Variants in ACBD6 observed in about 807,000 individuals in gnomAD.
The protein encoded by ACBD6 is acyl-CoA binding domain containing 6, also known as acyl-CoA-binding domain-containing protein 6.
Under a neutral mutation model 37.2 loss-of-function variants are expected in ACBD6, and 28 were observed. That is an observed-to-expected ratio of 0.75 (90% confidence interval 0.56 to 1.03). ACBD6 has a LOEUF of 1.03. ACBD6 is among the 50% of genes least tolerant of loss of function. ACBD6 has a pLI of 0.00. For missense variants in ACBD6, 340 were observed against 337.4 expected (o/e 1.01, Z -0.06); for synonymous variants, 113 against 126.8 (o/e 0.89, Z 0.73).
chr1:180,393,982 T>C (rs762090734), intron 6 of ACBD6, among the ~76,000 whole-genome samples: 5 of 152,164 alleles, frequency 3.3e-5, no homozygotes, highest in Non-Finnish European at 7.3e-5. Context: ...TCTCACACTA[T>C]CCAAACAAAT....
chr1:180,447,551 T>C (rs1315557216), intron 3 of ACBD6, among the ~76,000 whole-genome samples: 2 of 152,198 alleles, frequency 1.3e-5, no homozygotes, highest in Non-Finnish European at 2.9e-5. Flanking sequence ...AAGTCATTTG[T>C]ATTTGTTAGT....
At chr1:180,318,596 T>G (rs1402323118) in intron 6 of ACBD6, among the ~76,000 whole-genome samples, 1 of 152,220 alleles carries the variant, frequency 6.6e-6, no homozygotes, top group African/African-American at 2.4e-5. Flanking sequence ...TTAAGATCAC[T>G]TAGTTGACTT....
rs867945553 is a variant in ACBD6 at position 180,440,269 on chromosome 1, C to T, written c.385-10007G>A. On this transcript the variant is annotated intron_variant, in intron 3 of 7. Transcript: ENST00000367595. Reference sequence around the variant, plus strand: ...GATTACAGATGCCCACCATGACACCCGACTAATTTTTGCATTTTTAGTAGA... The same window carrying T: ...GATTACAGATGCCCACCATGACACCTGACTAATTTTTGCATTTTTAGTAGA... Among the ~76,000 whole-genome samples, 13 of 151,942 alleles carry T rather than the reference C, an allele frequency of 8.6e-5. No individual in the cohort carries two copies. In the South Asian group the frequency reaches 2.3e-3, roughly 27 times the overall value.
At chr1:180,378,319 A>G (rs985775753) in intron 6 of ACBD6, among the ~76,000 whole-genome samples, 16 of 152,334 alleles carry the variant, frequency 1.1e-4, no homozygotes, top group African/African-American at 3.8e-4. Flanking sequence ...TAATTAAAGT[A>G]TAAGGAACGA....
intron 5 of ACBD6, among the ~76,000 whole-genome samples, chr1:180,410,253 A>G (rs1418840832): frequency 6.6e-6 from 1 of 152,276 alleles, no homozygotes; most frequent in East Asian, 1.9e-4. Flanking sequence ...TGAAGCACCA[A>G]GTGCTGATGC....
intron 6 of ACBD6, among the ~76,000 whole-genome samples, chr1:180,338,526 T>G (rs1296093322): frequency 1.3e-5 from 2 of 152,148 alleles, no homozygotes; most frequent in East Asian, 3.8e-4. Flanking sequence ...CAAAAATTAA[T>G]TCAAGATGGA....
intron 6 of ACBD6, among the ~76,000 whole-genome samples, chr1:180,315,984 G>A (rs1650783503): frequency 6.6e-6 from 1 of 152,024 alleles, no homozygotes; most frequent in Admixed American, 6.6e-5. Context: ...AGTAAAAGAT[G>A]GAAAGCAGCA....
intron 3 of ACBD6, among the ~76,000 whole-genome samples, chr1:180,482,656 G>A (rs371811193): frequency 1.3e-5 from 2 of 152,068 alleles, no homozygotes; most frequent in South Asian, 2.1e-4. Flanking sequence ...TACTAGATGC[G>A]AGTAGAAACG....
chr1:180,471,554 T>TG (rs1024783439), intron 3 of ACBD6, among the ~76,000 whole-genome samples: 2 of 151,966 alleles, frequency 1.3e-5, no homozygotes. Flanking sequence ...AAAATCATGG[T>TG]GGGGGGCAAA....
At chr1:180,404,339 T>TA (rs367985569) in intron 5 of ACBD6, among the ~76,000 whole-genome samples, 8 of 152,270 alleles carry the variant, frequency 5.3e-5, no homozygotes, top group Admixed American at 1.3e-4. Context: ...ATTCATTTTT[T>TA]ATCACGAGAC....
chr1:180,290,466 T>C (rs1649659828), intron 7 of ACBD6, among the ~76,000 whole-genome samples: 1 of 152,208 alleles, frequency 6.6e-6, no homozygotes, highest in Non-Finnish European at 1.5e-5. Context: ...CATACACCAC[T>C]GCACCCGGCC....
At chr1:180,373,824 T>C (rs1653343944) in intron 6 of ACBD6, among the ~76,000 whole-genome samples, 1 of 152,150 alleles carries the variant, frequency 6.6e-6, no homozygotes, top group South Asian at 2.1e-4. Context: ...ATTATAAAAT[T>C]TTTAGAAAGT....
At chr1:180,292,017 C>T (rs6695250) in intron 7 of ACBD6, among the ~76,000 whole-genome samples, 1,737 of 152,290 alleles carry the variant, frequency 0.011, 40 homozygotes, top group African/African-American at 0.039. Context: ...TCTAGGTTAT[C>T]TATCATGTTC....
intron 3 of ACBD6, among the ~76,000 whole-genome samples, chr1:180,446,244 C>T (rs952035204): frequency 2.6e-5 from 4 of 151,350 alleles, no homozygotes; most frequent in Non-Finnish European, 4.4e-5. Context: ...AACTCCTGGG[C>T]TCAAGCGATC....
intron 3 of ACBD6, among the ~76,000 whole-genome samples, chr1:180,491,835 A>T (rs2102089555): frequency 6.6e-6 from 1 of 152,298 alleles, no homozygotes; most frequent in South Asian, 2.1e-4. Context: ...TCTGAGATGG[A>T]GTCTCACACT....
rs1652663690 is a variant in ACBD6 at position 180,357,222 on chromosome 1, TA to T, written c.663+40293del. On this transcript the variant is annotated intron_variant, in intron 6 of 7. Transcript: ENST00000367595. ...CTTATTTGAAACTAACATCCTGAAATAAGTAAGGTAGGTAATAGTAGCTATA... is the reference window on the plus strand; with the variant it reads ...CTTATTTGAAACTAACATCCTGAAATAGTAAGGTAGGTAATAGTAGCTATA... Among the ~76,000 whole-genome samples the T allele has an allele frequency of 2.0e-5, 3 of 152,244 alleles. No individual in the cohort carries two copies. In the East Asian group the frequency reaches 5.8e-4, roughly 29 times the overall value.
chr1:180,492,917 A>G (rs1339619935), intron 2 of ACBD6, among the ~76,000 whole-genome samples: 1 of 152,104 alleles, frequency 6.6e-6, no homozygotes, highest in East Asian at 1.9e-4. Context: ...CTGGGGACTT[A>G]GTCTGGGACT....
rs934362410 is a variant in ACBD6 at position 180,315,089 on chromosome 1, T to C, written c.664-367A>G. Among the ~76,000 whole-genome samples, 5 of 152,186 alleles carry C rather than the reference T, an allele frequency of 3.3e-5. No homozygotes were observed. The South Asian group carries it at 6.2e-4, about 19-fold the overall frequency. ...TTGGCCAGTATTAGGATTTTTTTTT[T>C]CCTAAGCTTGTCCCCAAATCTATCT... On this transcript the variant is annotated intron_variant, in intron 6 of 7. Transcript: ENST00000367595.
intron 3 of ACBD6, among the ~76,000 whole-genome samples, chr1:180,467,208 T>A (rs1650378767): frequency 6.6e-6 from 1 of 151,840 alleles, no homozygotes; most frequent in Non-Finnish European, 1.5e-5. Flanking sequence ...GCCTTCTGAG[T>A]AGCTGGGACT....
Sources: gnomAD v4.1 joint callset for allele counts (sites outside exome capture counted in the v4.1 genomes callset) on GRCh38, gnomAD v4.1.1 for gene constraint, MANE v1.5 for transcripts, NCBI Gene and HGNC (gene_info 2026-07-23, HGNC 2026-07-21) for gene names.